Variants in PTGER3 observed in about 807,000 individuals in gnomAD.
PTGER3 encodes prostaglandin E2 receptor EP3 subtype.
A neutral mutation model predicts 34.7 loss-of-function variants in PTGER3; 22 were observed. The ratio of observed to expected loss-of-function variants is 0.63; its 90% CI spans 0.45 to 0.91. The LOEUF is 0.91. Ranked by LOEUF, PTGER3 falls within the 40% of genes least tolerant of loss-of-function variation. The pLI is 0.00. For synonymous variants in PTGER3, 241 were observed against 230.1 expected, an observed-to-expected ratio of 1.05 and a Z score of -0.43; for missense variants, 468 against 519.4, an observed-to-expected ratio of 0.90 and a Z score of 0.96.
intron 2 of PTGER3, among the ~76,000 whole-genome samples, chr1:70,988,932 G>T (rs1005817956): frequency 2.6e-5 from 4 of 152,078 alleles, no homozygotes; most frequent in African/African-American, 4.8e-5. Context: ...TACCTAAATT[G>T]TTCAGTCACC....
chr1:70,908,690 G>A (rs762085181), intron 4 of PTGER3, among the ~76,000 whole-genome samples: 40 of 152,176 alleles, frequency 2.6e-4, no homozygotes, highest in Admixed American at 1.2e-3. Context: ...TATAAGAATA[G>A]TAAATGCACA....
chr1:70,873,871 G>C (rs1646218526), intron 4 of PTGER3, among the ~76,000 whole-genome samples: 1 of 151,760 alleles, frequency 6.6e-6, no homozygotes, highest in Non-Finnish European at 1.5e-5. Context: ...AGGGGGTTTT[G>C]GTGCTTTTAA....
chr1:70,901,201 G>A (rs1294729602), intron 4 of PTGER3, among the ~76,000 whole-genome samples: 2 of 152,190 alleles, frequency 1.3e-5, no homozygotes, highest in Admixed American at 1.3e-4. Context: ...TGCTTTTGGA[G>A]TGGGGCAGGC....
At chr1:70,925,135 A>G (rs1213123420) in intron 4 of PTGER3, among the ~76,000 whole-genome samples, 3 of 152,026 alleles carry the variant, frequency 2.0e-5, no homozygotes, top group Non-Finnish European at 2.9e-5. Flanking sequence ...CTCCCGAGTA[A>G]CTGGGATTAC....
intron 2 of PTGER3, among the ~76,000 whole-genome samples, chr1:70,991,323 C>A (rs146513590): frequency 1.3e-4 from 20 of 152,266 alleles, no homozygotes; most frequent in African/African-American, 4.6e-4. Flanking sequence ...GCCCACTATC[C>A]CCGAGGCTGA....
chr1:71,028,809 T>C (rs892721305), intron 1 of PTGER3, among the ~76,000 whole-genome samples: 1 of 152,202 alleles, frequency 6.6e-6, no homozygotes, highest in Admixed American at 6.5e-5. Flanking sequence ...TTCTCTAGAA[T>C]TTTTATTACT....
At chr1:70,857,475 T>C (rs1645832353) in intron 4 of PTGER3, among the ~76,000 whole-genome samples, 2 of 152,086 alleles carry the variant, frequency 1.3e-5, no homozygotes, top group South Asian at 4.1e-4. Context: ...TTGTTCTTAG[T>C]TTTCTTTTTA....
intron 2 of PTGER3, among the ~76,000 whole-genome samples, chr1:70,996,060 C>T (rs1451307090): frequency 6.6e-6 from 1 of 152,120 alleles, no homozygotes; most frequent in Non-Finnish European, 1.5e-5. Context: ...TTTAAATCCC[C>T]AAATCCCTTC....
At chr1:71,029,926 AAATAATAAT>A (rs3044586) in intron 1 of PTGER3, among the ~76,000 whole-genome samples, 11,809 of 143,990 alleles carry the variant, frequency 0.082, 629 homozygotes, top group Middle Eastern at 0.19. Context: ...ACTCCATCTC[AAATAATAAT>A]AATAATAATA....
intron 4 of PTGER3, among the ~76,000 whole-genome samples, chr1:70,871,478 T>C (rs1646161813): frequency 6.6e-6 from 1 of 152,192 alleles, no homozygotes; most frequent in South Asian, 2.1e-4. Context: ...GCCAGAGTTT[T>C]GAGATAGGGC....
chr1:70,883,326 A>G (rs1646432435), intron 4 of PTGER3, among the ~76,000 whole-genome samples: 1 of 152,230 alleles, frequency 6.6e-6, no homozygotes, highest in Non-Finnish European at 1.5e-5. Context: ...TTATTAACAC[A>G]TTCATAAACA....
intron 4 of PTGER3, among the ~76,000 whole-genome samples, chr1:70,907,093 T>C (rs1646965485): frequency 6.6e-6 from 1 of 152,242 alleles, no homozygotes; most frequent in South Asian, 2.1e-4. Flanking sequence ...GTGAGGTGCC[T>C]ATAATGACCA....
In PTGER3 at chr1:71,047,146, C is replaced by A; in HGVS notation, c.432G>T (p.Ser144=). The change falls in exon 1 of 4, where the codon TCG becomes TCT. Residue 144 remains serine, a synonymous_variant. Coordinates refer to ENST00000306666, the MANE Select transcript of PTGER3 (RefSeq NM_198719.2). ...GLTMTVFGLS[S]LFIASAMAVE... is the part of the protein sequence containing the mutation. ...CGGCCATGGCGCTGGCGATGAACAA[C>A]GAGGAGAGCCCGAAAACAGTCATGG... 1.2e-6 allele frequency: 2 copies of A among 1,601,100 alleles called. No individual in the cohort carries two copies. The highest frequency in any genetic ancestry group is 1.7e-5 in the Admixed American group (1 of 57,430).
At chr1:70,853,382 A>G (rs1645725390) in intron 4 of PTGER3, among the ~76,000 whole-genome samples, 1 of 152,192 alleles carries the variant, frequency 6.6e-6, no homozygotes, top group Non-Finnish European at 1.5e-5. Context: ...CAACTAAACT[A>G]ATTTCTATAA....
At chr1:70,923,076 T>C (rs1164228929) in intron 4 of PTGER3, among the ~76,000 whole-genome samples, 1 of 152,184 alleles carries the variant, frequency 6.6e-6, no homozygotes, top group Non-Finnish European at 1.5e-5. Context: ...TGAATATATT[T>C]GTCTATAAGG....
chr1:70,864,807 A>C (rs1045238314), intron 4 of PTGER3, among the ~76,000 whole-genome samples: 2 of 152,234 alleles, frequency 1.3e-5, no homozygotes, highest in African/African-American at 2.4e-5. Context: ...TTTTGTAGAA[A>C]TTAAGCCAAG....
chr1:70,958,245 C>G (rs1651563685), intron 2 of PTGER3, among the ~76,000 whole-genome samples: 1 of 152,092 alleles, frequency 6.6e-6, no homozygotes, highest in Non-Finnish European at 1.5e-5. Context: ...AAATGGTAGT[C>G]TATTTCTAGT....
At chr1:70,889,292 G>A (rs934431832) in intron 4 of PTGER3, among the ~76,000 whole-genome samples, 1 of 151,714 alleles carries the variant, frequency 6.6e-6, no homozygotes, top group Admixed American at 6.6e-5. Context: ...GCGGGTGCCT[G>A]TAGTCCCAGC....
chr1:70,856,663 A>G (rs1645813515), intron 4 of PTGER3, among the ~76,000 whole-genome samples: 1 of 152,218 alleles, frequency 6.6e-6, no homozygotes, highest in African/African-American at 2.4e-5. Context: ...TGACTTAATA[A>G]GAATTTTTTA....
Sources: gnomAD v4.1 joint callset for allele counts (sites outside exome capture counted in the v4.1 genomes callset) on GRCh38, gnomAD v4.1.1 for gene constraint, MANE v1.5 for transcripts, NCBI Gene and HGNC (gene_info 2026-07-23, HGNC 2026-07-21) for gene names.